The following CTNNBL1 variants were observed in gnomAD, a reference collection of about 807,000 sequenced individuals.
CTNNBL1 encodes catenin beta like 1.
In CTNNBL1, 31 loss-of-function variants were observed where a neutral mutation model predicts 72.7. The observed-to-expected ratio is 0.43, with a 90% CI of 0.32 to 0.58. The LOEUF (loss-of-function observed/expected upper bound fraction) is 0.58, where lower values mean the gene tolerates loss of function less well. Among genes scored for constraint, CTNNBL1 ranks in the 20% least tolerant of loss-of-function variants. CTNNBL1 has a pLI of 0.08. For synonymous variants in CTNNBL1, 240 were observed against 267.3 expected, an observed-to-expected ratio of 0.90 and a Z score of 1.00; for missense variants, 534 against 725.1, an observed-to-expected ratio of 0.74 and a Z score of 3.03.
intron 11 of CTNNBL1, among the ~76,000 whole-genome samples, chr20:37,803,775 G>A (rs1647880533): frequency 6.6e-6 from 1 of 152,168 alleles, no homozygotes; most frequent in Non-Finnish European, 1.5e-5. Context: ...TGGGGAGGTA[G>A]TGTGTTGAGA....
At chr20:37,787,311 G>A (rs971398833) in intron 10 of CTNNBL1, among the ~76,000 whole-genome samples, 4 of 143,328 alleles carry the variant, frequency 2.8e-5, no homozygotes, top group Non-Finnish European at 4.6e-5. Flanking sequence ...TTTGTGTTAC[G>A]TGTAACTCTT....
Position 37,707,287 on chromosome 20 carries a change from C to A in CTNNBL1, c.30+13135C>A, listed in dbSNP as rs150078290. 2.6e-3 allele frequency among the ~76,000 whole-genome samples: 403 copies of A among 152,334 alleles called. 2 individuals carry two copies. Among genetic ancestry groups the A allele is most frequent in the African/African-American group, 9.0e-3 (373 of 41,582 alleles). On this transcript the variant is annotated intron_variant, in intron 1 of 15. Coordinates refer to ENST00000361383, the MANE Select transcript of CTNNBL1 (RefSeq NM_030877.5). ...CTCTAGCTGTGAAAATCCTAGATGG[C>A]CTCTTCTTCCAACAGAAGGCTGTTT...
chr20:37,764,486 G>A (rs949339550), intron 5 of CTNNBL1, among the ~76,000 whole-genome samples: 1 of 152,032 alleles, frequency 6.6e-6, no homozygotes, highest in Non-Finnish European at 1.5e-5. Context: ...CCATAGCTGT[G>A]TAGTCTTGGC....
chr20:37,845,507 A>G (rs761553941), intron 13 of CTNNBL1, among the ~76,000 whole-genome samples: 6 of 152,190 alleles, frequency 3.9e-5, no homozygotes, highest in Non-Finnish European at 7.4e-5. Context: ...TTCCAAGGCC[A>G]TTAGTGCTCA....
At chr20:37,709,272 A>G (rs1230604967) in intron 1 of CTNNBL1, among the ~76,000 whole-genome samples, 3 of 152,238 alleles carry the variant, frequency 2.0e-5, no homozygotes, top group African/African-American at 7.2e-5. Flanking sequence ...TTTTTAGTGC[A>G]GATTCTAGCT....
chr20:37,863,697 G>GT (rs1250121333), intron 15 of CTNNBL1, among the ~76,000 whole-genome samples: 3 of 152,166 alleles, frequency 2.0e-5, no homozygotes, highest in Non-Finnish European at 2.9e-5. Flanking sequence ...TGCACAGTGA[G>GT]TTTGGGGTAC....
intron 11 of CTNNBL1, among the ~76,000 whole-genome samples, chr20:37,810,645 C>G (rs1293521384): frequency 1.3e-5 from 2 of 152,082 alleles, no homozygotes; most frequent in African/African-American, 4.8e-5. Context: ...AAGGAGTATC[C>G]TTAGGGATTC....
chr20:37,833,999 G>A (rs6021235), intron 11 of CTNNBL1, among the ~76,000 whole-genome samples: 1 of 152,184 alleles, frequency 6.6e-6, no homozygotes, highest in African/African-American at 2.4e-5. Flanking sequence ...GAAGGGCATA[G>A]GCATCAATTG....
intron 10 of CTNNBL1, among the ~76,000 whole-genome samples, chr20:37,798,742 T>C (rs2073799845): frequency 6.6e-6 from 1 of 152,236 alleles, no homozygotes; most frequent in Non-Finnish European, 1.5e-5. Flanking sequence ...CAGAGTCTTT[T>C]GAATTGTATT....
At chr20:37,838,122 C>T (rs753687485) in intron 11 of CTNNBL1, among the ~76,000 whole-genome samples, 7 of 152,130 alleles carry the variant, frequency 4.6e-5, no homozygotes, top group Non-Finnish European at 1.0e-4. Context: ...ACATTTCAGG[C>T]GGAGGAAACA....
intron 6 of CTNNBL1, 56 bp downstream of exon 6, chr20:37,765,346 CTG>C (rs994879814): frequency 1.7e-6 from 2 of 1,145,310 alleles, no homozygotes; most frequent in African/African-American, 1.5e-5. Flanking sequence ...TTTTGGGACT[CTG>C]TGCTCATTTC....
chr20:37,871,948 G>A lies in CTNNBL1; in HGVS notation c.1627G>A (p.Gly543Ser), dbSNP rs199857944. ...AGAGTATGCAGAGAACATCGGGGAC[G>A]GCCGGAGCCCGGAGTTCCGGGAGAA... Reference protein sequence around the residue: ...IKEYAENIGDGRSPEFRENEQ... With the variant: ...IKEYAENIGDSRSPEFRENEQ... Residue 543 changes from glycine (G) to serine (S), a missense_variant, in exon 16 of 16, where the codon GGC (glycine) becomes AGC (serine). Coordinates refer to ENST00000361383, the MANE Select transcript of CTNNBL1 (RefSeq NM_030877.5). 3.5e-5 allele frequency: 56 copies of A among 1,614,080 alleles called. No individual in the cohort carries two copies. Among genetic ancestry groups the A allele is most frequent in the African/African-American group, 2.8e-4 (21 of 75,018 alleles).
intron 4 of CTNNBL1, among the ~76,000 whole-genome samples, chr20:37,752,555 T>C (rs1327877288): frequency 6.8e-6 from 1 of 147,978 alleles, no homozygotes; most frequent in Non-Finnish European, 1.5e-5. Context: ...ATCTTATTTC[T>C]CTTTTTTTTT....
intron 10 of CTNNBL1, among the ~76,000 whole-genome samples, chr20:37,791,994 G>T (rs564879444): frequency 6.6e-6 from 1 of 152,086 alleles, no homozygotes; most frequent in Non-Finnish European, 1.5e-5. Context: ...TTTCAGTTTT[G>T]ATGGAGTATA....
intron 2 of CTNNBL1, among the ~76,000 whole-genome samples, chr20:37,734,261 T>G (rs1281946220): frequency 6.6e-6 from 1 of 152,246 alleles, no homozygotes; most frequent in African/African-American, 2.4e-5. Context: ...AGTGCTAATT[T>G]GGGGGTCTCC....
intron 15 of CTNNBL1, among the ~76,000 whole-genome samples, chr20:37,867,046 G>A (rs150491188): frequency 6.6e-6 from 1 of 152,312 alleles, no homozygotes; most frequent in Non-Finnish European, 1.5e-5. Flanking sequence ...GTCTTTCTCT[G>A]TAAGTGGGTT....
chr20:37,864,656 G>A (rs1357587432), intron 15 of CTNNBL1, among the ~76,000 whole-genome samples: 2 of 152,198 alleles, frequency 1.3e-5, no homozygotes, highest in African/African-American at 4.8e-5. Flanking sequence ...CTAGGGAACC[G>A]TGGTCTGAGG....
chr20:37,819,711 A>G (rs564061248), intron 11 of CTNNBL1, among the ~76,000 whole-genome samples: 4 of 152,230 alleles, frequency 2.6e-5, no homozygotes, highest in Admixed American at 2.6e-4. Context: ...CTTCCCTCCT[A>G]CACCAGCCTG....
intron 4 of CTNNBL1, among the ~76,000 whole-genome samples, chr20:37,754,688 C>T (rs1057213082): frequency 2.9e-4 from 44 of 151,926 alleles, no homozygotes; most frequent in African/African-American, 1.1e-3. Context: ...CTGAATGTAG[C>T]CGTGTTTAAA....
Sources: allele counts gnomAD v4.1 joint callset (sites outside exome capture counted in the v4.1 genomes callset), GRCh38; gene constraint gnomAD v4.1.1; transcripts MANE v1.5; gene names NCBI Gene and HGNC (gene_info 2026-07-23, HGNC 2026-07-21).